NWD1: variants seen among roughly 807,000 people sequenced by gnomAD.
NWD1 encodes NACHT domain- and WD repeat-containing protein 1.
In NWD1, 129 loss-of-function variants were observed where a neutral mutation model predicts 135.1. The observed-to-expected ratio is 0.96, with a 90% confidence interval of 0.83 to 1.11. The LOEUF (loss-of-function observed/expected upper bound fraction) is 1.11, where lower values mean the gene tolerates loss of function less well. Ranked by LOEUF, NWD1 falls within the 50% of genes least tolerant of loss-of-function variation. NWD1 has a pLI of 0.00. For missense variants in NWD1, 1,740 were observed against 1,851.3 expected, an observed-to-expected ratio of 0.94 and a Z score of 1.10; for synonymous variants, 773 against 786.0, an observed-to-expected ratio of 0.98 and a Z score of 0.28.
At position 16,728,632 on chromosome 19, in the gene NWD1, G is replaced by A. The variant is rs185013795; in HGVS notation, c.-6-2560G>A. ...TCTCATAGAAATTACATCCTGGTTC[G>A]GGGAATGGACACATAAATTAAGTAA... On this transcript the variant is annotated intron_variant, in intron 2 of 18. Transcript: ENST00000524140. Among the ~76,000 whole-genome samples the A allele has an allele frequency of 7.2e-5, 11 of 151,826 alleles. No homozygotes were observed. The East Asian group carries it at 1.2e-3, about 16-fold the overall frequency.
intron 8 of NWD1, among the ~76,000 whole-genome samples, chr19:16,763,127 A>G (rs1320672422): frequency 6.6e-6 from 1 of 151,362 alleles, no homozygotes; most frequent in African/African-American, 2.4e-5. Context: ...CCCGAGACCC[A>G]TTCACAAATC....
Position 16,744,345 on chromosome 19 carries a change from C to A in NWD1, c.199-76C>A, listed in dbSNP as rs1968209590. 3.3e-5 allele frequency: 44 copies of A among 1,346,008 alleles called. No homozygotes were observed. In the South Asian group the frequency reaches 5.5e-4, roughly 17 times the overall value. 83.4% of individuals were successfully genotyped at this position (1,346,008 alleles called of 1,614,324 possible). ...TGAGCCATGGTTGTACCACCGCACT[C>A]CAGCCTGGGCGACAGAGCAAGACCT... On this transcript the variant is annotated intron_variant, in intron 4 of 18. Transcript: ENST00000524140.
intron 6 of NWD1, among the ~76,000 whole-genome samples, chr19:16,755,704 T>TTA (rs1456303257): frequency 1.3e-5 from 2 of 150,332 alleles, no homozygotes; most frequent in East Asian, 3.9e-4. Context: ...ATTTATTTAT[T>TTA]TATTTATTTA....
At position 16,749,795 on chromosome 19, in the gene NWD1, CT is replaced by C; in HGVS notation, c.1154del (p.Leu385ArgfsTer2). 1.2e-6 allele frequency: 2 copies of C among 1,606,174 alleles called. No individual in the cohort carries two copies. Among genetic ancestry groups the C allele is most frequent in the Non-Finnish European group, 1.7e-6 (2 of 1,175,644 alleles). The stretch of plus-strand genomic sequence containing the variant: ...ACAAATGAGCTCAGATGCCCGTGGC[CT>C]GCTGAAGAGCATCTGCTTCCAGGTG... ...TSQMSSDARG[L>X]LKSICFQVCL... On this transcript the variant is annotated frameshift_variant, in exon 6 of 19. Coordinates refer to ENST00000524140, the MANE Select transcript of NWD1 (RefSeq NM_001007525.5). LOFTEE classifies it high-confidence loss of function.
intron 5 of NWD1, among the ~76,000 whole-genome samples, chr19:16,748,226 T>G (rs1243951105): frequency 6.6e-6 from 1 of 151,968 alleles, no homozygotes; most frequent in Non-Finnish European, 1.5e-5. Flanking sequence ...TCAGGTGATC[T>G]GCCCACCTTG....
In NWD1 at chr19:16,789,116, C is replaced by T; in HGVS notation, c.2866C>T (p.Pro956Ser). 7 of 1,613,984 alleles carry T rather than the reference C, an allele frequency of 4.3e-6. No homozygotes were observed. Among genetic ancestry groups the T allele is most frequent in the Non-Finnish European group, 5.9e-6 (7 of 1,179,934 alleles). ...FTIWDGGSKN[P>S]AEPQIWNLHV... ...CATTTGGGATGGAGGCTCAAAAAAT[C>T]CCGCTGAACCTCAGATCTGGAACCT... The change falls in exon 13 of 19, where the codon CCC becomes TCC. Residue 956 changes from proline to serine, a missense_variant. Pro to Ser is a moderately conservative substitution (Grantham distance 74). Transcript: ENST00000524140.
At chr19:16,747,343 CTTTT>C in intron 5 of NWD1, among the ~76,000 whole-genome samples, 1 of 129,292 alleles carries the variant, frequency 7.7e-6, no homozygotes, top group Non-Finnish European at 1.6e-5. Flanking sequence ...CTGACATTTT[CTTTT>C]TATTTATTTA....
At chr19:16,755,142 A>C (rs1300701694) in intron 6 of NWD1, among the ~76,000 whole-genome samples, 1 of 152,098 alleles carries the variant, frequency 6.6e-6, no homozygotes, top group Non-Finnish European at 1.5e-5. Flanking sequence ...GTCATTTATA[A>C]TCAATCAATA....
At chr19:16,780,702 A>G (rs1325482693) in intron 12 of NWD1, among the ~76,000 whole-genome samples, 2 of 151,394 alleles carry the variant, frequency 1.3e-5, no homozygotes, top group African/African-American at 2.4e-5. Flanking sequence ...CTGTTGCCCA[A>G]GCTGGAGTGC....
chr19:16,812,804 C>G (rs766229748), intron 18 of NWD1: 1 of 781,016 alleles, frequency 1.3e-6, no homozygotes, highest in Admixed American at 1.7e-5. Flanking sequence ...AGTATGTGTA[C>G]GTGGGCTTAA....
chr19:16,767,639 T>C (rs1400103786), intron 10 of NWD1, among the ~76,000 whole-genome samples: 1 of 151,642 alleles, frequency 6.6e-6, no homozygotes, highest in Non-Finnish European at 1.5e-5. Flanking sequence ...AACCATCAGA[T>C]CTCGTGAAAA....
At position 16,800,344 on chromosome 19, in the gene NWD1, G is replaced by A. The variant is rs560012383; in HGVS notation, c.3736+182G>A. ...AGGTCAGGAGTTCAAGACCAGCCTG[G>A]CCAACATGGCAAAACCCTGTCTCTA... On this transcript the variant is annotated intron_variant, in intron 17 of 18. Coordinates refer to ENST00000524140, the MANE Select transcript of NWD1 (RefSeq NM_001007525.5). Among the ~76,000 whole-genome samples the A allele has an allele frequency of 8.4e-4, 128 of 152,232 alleles. 2 individuals carry two copies. Among genetic ancestry groups the A allele is most frequent in the Middle Eastern group, 6.8e-3 (2 of 294 alleles).
intron 7 of NWD1, among the ~76,000 whole-genome samples, chr19:16,760,176 A>AACTAG (rs1443211951): frequency 7.2e-5 from 10 of 139,226 alleles, no homozygotes; most frequent in African/African-American, 3.4e-4. Context: ...AACTAGACTA[A>AACTAG]ACTAAACTAA....
At chr19:16,795,131 T>C (rs1410288575) in intron 15 of NWD1, among the ~76,000 whole-genome samples, 1 of 152,252 alleles carries the variant, frequency 6.6e-6, no homozygotes, top group African/African-American at 2.4e-5. Flanking sequence ...TTTGCCAAGC[T>C]GGGAGCAGGG....
intron 2 of NWD1, chr19:16,727,774 A>G (rs569856927): frequency 6.5e-6 from 1 of 152,744 alleles, no homozygotes; most frequent in East Asian, 1.9e-4. Context: ...AGAGACCTAG[A>G]CGTGAACCAA....
chr19:16,724,936 C>T (rs1967267562), intron 2 of NWD1, among the ~76,000 whole-genome samples: 1 of 152,022 alleles, frequency 6.6e-6, no homozygotes, highest in Non-Finnish European at 1.5e-5. Context: ...TCAGGTGGTC[C>T]ACCCACCTCG....
intron 12 of NWD1, among the ~76,000 whole-genome samples, chr19:16,782,011 A>G (rs1327723969): frequency 2.0e-5 from 3 of 150,518 alleles, no homozygotes; most frequent in Non-Finnish European, 3.0e-5. Flanking sequence ...GGAGAATGGC[A>G]TCAACCCAGG....
At chr19:16,731,878 G>T (rs895428865) in intron 3 of NWD1, among the ~76,000 whole-genome samples, 11 of 151,994 alleles carry the variant, frequency 7.2e-5, no homozygotes, top group Admixed American at 4.6e-4. Flanking sequence ...TCTGTAGTTG[G>T]TCCTGGAGAT....
intron 5 of NWD1, among the ~76,000 whole-genome samples, chr19:16,748,765 A>G (rs187065833): frequency 6.6e-6 from 1 of 152,244 alleles, no homozygotes; most frequent in African/African-American, 2.4e-5. Flanking sequence ...CGGAGGTTGC[A>G]GTGAGCTAAG....
Sources: gnomAD v4.1 joint callset for allele counts (sites outside exome capture counted in the v4.1 genomes callset) on GRCh38, gnomAD v4.1.1 for gene constraint, MANE v1.5 for transcripts, NCBI Gene and HGNC (gene_info 2026-07-23, HGNC 2026-07-21) for gene names.